RAB3GAP1: variants seen among roughly 807,000 people sequenced by gnomAD.
The protein encoded by RAB3GAP1 is rab3 GTPase-activating protein catalytic subunit.
A neutral mutation model predicts 130.7 loss-of-function variants in RAB3GAP1; 86 were observed. The ratio of observed to expected loss-of-function variants is 0.66; its 90% CI spans 0.55 to 0.79. The LOEUF is 0.79. RAB3GAP1 is among the 30% of genes least tolerant of loss of function. RAB3GAP1 has a pLI of 0.00. For missense variants in RAB3GAP1, 1,029 were observed against 1,169.4 expected (o/e 0.88, Z 1.75); for synonymous variants, 367 against 401.7 (o/e 0.91, Z 1.03).
intron 17 of RAB3GAP1, among the ~76,000 whole-genome samples, chr2:135,142,497 C>A (rs1691870381): frequency 6.6e-6 from 1 of 152,110 alleles, no homozygotes; most frequent in Non-Finnish European, 1.5e-5. Context: ...ATTTTGCAAT[C>A]TTTATGCTTT....
chr2:135,073,207 G>C (rs982347950), intron 3 of RAB3GAP1, among the ~76,000 whole-genome samples: 1 of 152,220 alleles, frequency 6.6e-6, no homozygotes, highest in Admixed American at 6.5e-5. Context: ...ATAAAGCAGT[G>C]TGATTTTTTT....
chr2:135,085,634 G>C (rs1000102019), intron 3 of RAB3GAP1, among the ~76,000 whole-genome samples: 1 of 152,082 alleles, frequency 6.6e-6, no homozygotes, highest in Non-Finnish European at 1.5e-5. Context: ...ATGATAATTA[G>C]TACCATGCTG....
chr2:135,164,838 A>G (rs1692586508), intron 23 of RAB3GAP1, 142 bp downstream of exon 23: 5 of 673,072 alleles, frequency 7.4e-6, no homozygotes, highest in African/African-American at 5.3e-5. Flanking sequence ...CACTGAAGAA[A>G]CAATGACTTC....
chr2:135,153,786 C>T lies in RAB3GAP1; in HGVS notation c.2199C>T (p.Ser733=), dbSNP rs868419040. The change falls in exon 19 of 24, where the codon AGC becomes AGT. Residue 733 remains serine, a synonymous_variant. Transcript: ENST00000264158. ...GELSARMKIP[S]NMWVEAWETA... ...TGAGTGCCCGGATGAAGATTCCAAG[C>T]AATATGTGGGTAGAAGCCTGGGAAA... 8.7e-6 allele frequency: 14 copies of T among 1,613,982 alleles called. No homozygotes were observed. The highest frequency in any genetic ancestry group is 1.1e-5 in the Non-Finnish European group (13 of 1,179,926).
chr2:135,058,115 T>TA, intron 3 of RAB3GAP1, 29 bp downstream of exon 3: 6 of 1,561,670 alleles, frequency 3.8e-6, no homozygotes, highest in Non-Finnish European at 5.3e-6. Flanking sequence ...TGTCTCTAAA[T>TA]GACTATTTAC....
intron 9 of RAB3GAP1, among the ~76,000 whole-genome samples, chr2:135,124,524 G>A (rs768580513): frequency 6.6e-6 from 1 of 152,204 alleles, no homozygotes; most frequent in South Asian, 2.1e-4. Context: ...AATTAACTGG[G>A]TGTGGTTGCG....
rs373269278 is a variant in RAB3GAP1 at position 135,059,246 on chromosome 2, T to C, written c.150+1160T>C. The stretch of plus-strand genomic sequence containing the variant: ...CTTGAAACAAATACATAACAATTGA[T>C]ATAGATGCCAATAAGATTAGAGGCA... On this transcript the variant is annotated intron_variant, in intron 3 of 23. Coordinates refer to ENST00000264158, the MANE Select transcript of RAB3GAP1 (RefSeq NM_012233.3). Among the ~76,000 whole-genome samples, 10 of 152,292 alleles carry C rather than the reference T, an allele frequency of 6.6e-5. No individual in the cohort carries two copies. In the East Asian group the frequency reaches 1.5e-3, roughly 23 times the overall value.
intron 19 of RAB3GAP1, among the ~76,000 whole-genome samples, chr2:135,157,629 C>T (rs1692347203): frequency 6.6e-6 from 1 of 151,904 alleles, no homozygotes. Context: ...GTCAGGAGTT[C>T]GAGACCAGCC....
At chr2:135,057,608 G>C (rs1406339733) in intron 2 of RAB3GAP1, among the ~76,000 whole-genome samples, 3 of 152,134 alleles carry the variant, frequency 2.0e-5, no homozygotes, top group Non-Finnish European at 2.9e-5. Flanking sequence ...CCAACCTCAG[G>C]GTTAGGAATT....
intron 11 of RAB3GAP1, among the ~76,000 whole-genome samples, chr2:135,127,584 C>T (rs543928413): frequency 1.3e-5 from 2 of 152,090 alleles, no homozygotes; most frequent in East Asian, 1.9e-4. Flanking sequence ...CCTCATGATC[C>T]GCCCGCCTCG....
chr2:135,128,438 T>C (rs886383169), intron 11 of RAB3GAP1, among the ~76,000 whole-genome samples: 1 of 152,246 alleles, frequency 6.6e-6, no homozygotes, highest in Non-Finnish European at 1.5e-5. Context: ...TATATATCAC[T>C]TTTAACAGTG....
At chr2:135,174,350 G>A (rs1692945295), downstream of RAB3GAP1, among the ~76,000 whole-genome samples, 2 of 152,190 alleles carry the variant, frequency 1.3e-5, no homozygotes, top group Admixed American at 6.5e-5. Flanking sequence ...CTGTGCTCTG[G>A]AATGGCCCCT....
chr2:135,112,830 TCTCTCACACA>T (rs1336126752), intron 5 of RAB3GAP1, among the ~76,000 whole-genome samples: 3 of 127,732 alleles, frequency 2.3e-5, no homozygotes, highest in African/African-American at 7.5e-5. Flanking sequence ...TCTCTCTCTC[TCTCTCACACA>T]CACACACACA....
chr2:135,122,037 G>A (rs1691215595), intron 8 of RAB3GAP1, among the ~76,000 whole-genome samples: 1 of 151,888 alleles, frequency 6.6e-6, no homozygotes, highest in Non-Finnish European at 1.5e-5. Flanking sequence ...AGGTTGCAGT[G>A]AGCTGACATT....
At chr2:135,109,219 C>G (rs963854744) in intron 5 of RAB3GAP1, among the ~76,000 whole-genome samples, 4 of 151,922 alleles carry the variant, frequency 2.6e-5, no homozygotes, top group Non-Finnish European at 5.9e-5. Flanking sequence ...CGATAACTTG[C>G]TGAGATTTTG....
intron 4 of RAB3GAP1, among the ~76,000 whole-genome samples, chr2:135,092,779 G>A (rs757773038): frequency 1.3e-5 from 2 of 152,192 alleles, no homozygotes; most frequent in Admixed American, 6.5e-5. Context: ...ATTGTTGCAA[G>A]TGTACATATA....
At chr2:135,127,101 TC>T (rs1284482896) in intron 11 of RAB3GAP1, among the ~76,000 whole-genome samples, 1 of 151,796 alleles carries the variant, frequency 6.6e-6, no homozygotes, top group African/African-American at 2.4e-5. Flanking sequence ...AGTCTTGATC[TC>T]CTGACCTCGT....
At chr2:135,114,911 C>G (rs1373866997) in intron 6 of RAB3GAP1, among the ~76,000 whole-genome samples, 1 of 152,162 alleles carries the variant, frequency 6.6e-6, no homozygotes, top group East Asian at 1.9e-4. Context: ...TTTGGAAAGA[C>G]TAATATGAAA....
chr2:135,081,912 G>A (rs1355902045), intron 3 of RAB3GAP1, among the ~76,000 whole-genome samples: 4 of 151,978 alleles, frequency 2.6e-5, no homozygotes, highest in Non-Finnish European at 2.9e-5. Flanking sequence ...AGGCCGAGAC[G>A]GGTGGATCAC....
Sources: allele counts gnomAD v4.1 joint callset (sites outside exome capture counted in the v4.1 genomes callset), GRCh38; gene constraint gnomAD v4.1.1; transcripts MANE v1.5; gene names NCBI Gene and HGNC (gene_info 2026-07-23, HGNC 2026-07-21).